Variants in ADAM19 observed in about 807,000 individuals in gnomAD.
The protein encoded by ADAM19 is disintegrin and metalloproteinase domain-containing protein 19.
A neutral mutation model predicts 114.7 loss-of-function variants in ADAM19; 65 were observed. That is an observed-to-expected ratio of 0.57 (90% CI 0.46 to 0.70). The LOEUF is 0.70. Ranked by LOEUF, ADAM19 falls within the 30% of genes least tolerant of loss-of-function variation. The probability of loss-of-function intolerance (pLI) is 0.00; values close to 1 mark genes in which losing one functional copy is unlikely to be tolerated. For synonymous variants in ADAM19, 466 were observed against 460.5 expected (o/e 1.01, Z -0.15); for missense variants, 1,063 against 1,204.7 (o/e 0.88, Z 1.74).
chr5:157,486,031 G>A (rs1207854255), intron 21 of ADAM19, among the ~76,000 whole-genome samples: 1 of 152,206 alleles, frequency 6.6e-6, no homozygotes, highest in Non-Finnish European at 1.5e-5. Flanking sequence ...CAGAACTGAA[G>A]AAGTGATGAG....
intron 2 of ADAM19, among the ~76,000 whole-genome samples, chr5:157,567,798 A>G (rs1315232998): frequency 7.9e-6 from 1 of 127,376 alleles, no homozygotes; most frequent in East Asian, 1.9e-4. Flanking sequence ...ACTCCGTCTA[A>G]ACAAAAAAAA....
intron 1 of ADAM19, among the ~76,000 whole-genome samples, chr5:157,575,173 C>T (rs568253819): frequency 6.6e-6 from 1 of 152,354 alleles, no homozygotes; most frequent in Non-Finnish European, 1.5e-5. Context: ...AAGCCGCTCC[C>T]AGGCCACACG....
rs1754634804 is a variant in ADAM19, at chr5:157,477,736, C to T, written c.*3213G>A. On this transcript the variant is annotated 3_prime_UTR_variant, in exon 23 of 23. Transcript: ENST00000257527. The stretch of plus-strand genomic sequence containing the variant: ...TCAAATTGCAAGTCTTCCATACCCT[C>T]TGTCAAATAAGAATAAATTAGGAAG... 3 of 1,289,466 alleles carry T rather than the reference C, an allele frequency of 2.3e-6. No individual in the cohort carries two copies. Among genetic ancestry groups the T allele is most frequent in the Non-Finnish European group, 3.0e-6 (3 of 988,606 alleles). The allele number at this position is 1,289,466 out of a possible 1,614,324, so 79.9% of individuals were successfully genotyped here. A position where few individuals can be genotyped will look rare whatever the true frequency, so the allele number is the denominator to read the frequency against.
chr5:157,477,783 TAAAG>T lies in ADAM19; in HGVS notation c.*3162_*3165del. 1 of 1,251,194 alleles carries T rather than the reference TAAAG, an allele frequency of 8.0e-7. No individual in the cohort carries two copies. Among genetic ancestry groups the T allele is most frequent in the Non-Finnish European group, 1.0e-6 (1 of 954,024 alleles). 77.5% of individuals were successfully genotyped at this position (1,251,194 alleles called of 1,614,324 possible). On this transcript the variant is annotated 3_prime_UTR_variant, in exon 23 of 23. Transcript: ENST00000257527. ...GAAGTAGGCAGGGAGAGACTTCCAA[TAAAG>T]ATTGGAAAGGCGTATTGCAGGAGGT...
intron 22 of ADAM19, chr5:157,481,506 A>C: frequency 9.0e-7 from 1 of 1,105,334 alleles, no homozygotes; most frequent in East Asian, 2.6e-5. Flanking sequence ...CAAATGAGGA[A>C]ACAGACTCAA....
chr5:157,486,318 T>C (rs1754928990), intron 21 of ADAM19, among the ~76,000 whole-genome samples: 1 of 152,138 alleles, frequency 6.6e-6, no homozygotes, highest in Non-Finnish European at 1.5e-5. Context: ...CAGCCCAATG[T>C]CATCACAGCA....
chr5:157,491,879 A>C lies in ADAM19; in HGVS notation c.1942T>G (p.Phe648Val), dbSNP rs1479651474. 2 of 1,614,238 alleles carry C rather than the reference A, an allele frequency of 1.2e-6. No homozygotes were observed. The highest frequency in any genetic ancestry group is 3.3e-5 in the Admixed American group (2 of 60,030). ...TTCCCACAGCCTTCAGTTTCAAAGA[A>C]GGAGGTGTTCCTGCACTGCCCCTCA... ...CFEGQCRNTS[F>V]FETEGCGKKC... Residue 648 changes from phenylalanine (F) to valine (V), a missense_variant, in exon 17 of 23, where the codon TTC becomes GTC. Phe to Val is a conservative substitution (Grantham distance 50). Coordinates refer to ENST00000257527, the MANE Select transcript of ADAM19 (RefSeq NM_033274.5).
intron 13 of ADAM19, 31 bp downstream of exon 13, chr5:157,499,542 G>A: frequency 3.2e-6 from 5 of 1,586,304 alleles, no homozygotes; most frequent in Non-Finnish European, 4.3e-6. Flanking sequence ...GTCAGGCCAG[G>A]GCCCAAGGCG....
rs1376519930 is a variant in ADAM19 at position 157,519,855 on chromosome 5, T to C, written c.584A>G (p.Lys195Arg). 2 of 1,612,648 alleles carry C rather than the reference T, an allele frequency of 1.2e-6. No homozygotes were observed. Among genetic ancestry groups the C allele is most frequent in the African/African-American group, 2.7e-5 (2 of 74,846 alleles). Reference sequence around the variant, plus strand: ...AAAACTCACCCTGCGAGGTCGCTTCTTGGTCTGTTGTGTAAACTGAAGAGC... The same window carrying C: ...AAAACTCACCCTGCGAGGTCGCTTCCTGGTCTGTTGTGTAAACTGAAGAGC... Reference protein sequence around the residue: ...DWALQFTQQTKKRPRRMKRED... With the variant: ...DWALQFTQQTRKRPRRMKRED... The change falls in exon 6 of 23, where the codon AAG (lysine) becomes AGG (arginine). Residue 195 changes from lysine (K) to arginine (R), a missense_variant. By Grantham distance (26) the Lys-to-Arg change is conservative (BLOSUM62 2). Around this residue, in one of 3 missense-constraint regions of ADAM19, gnomAD observed 615 missense variants for 706.3 expected, o/e 0.87. Transcript: ENST00000257527.
At chr5:157,539,603 C>A in intron 3 of ADAM19, among the ~76,000 whole-genome samples, 1 of 152,198 alleles carries the variant, frequency 6.6e-6, no homozygotes, top group East Asian at 1.9e-4. Context: ...AGAAAAGAAG[C>A]CCAACAGGAA....
intron 7 of ADAM19, among the ~76,000 whole-genome samples, chr5:157,518,381 T>G: frequency 6.6e-6 from 1 of 152,000 alleles, no homozygotes; most frequent in African/African-American, 2.4e-5. Flanking sequence ...AAATGAGCCT[T>G]TGGTCAGATT....
At position 157,488,247 on chromosome 5, in the gene ADAM19, T is replaced by C; in HGVS notation, c.2550+18A>G. On this transcript the variant is annotated intron_variant, in intron 21 of 22. Coordinates refer to ENST00000257527, the MANE Select transcript of ADAM19 (RefSeq NM_033274.5). ...AAAAGCAATGTTCCCAGCCCAAGGT[T>C]GCTGATTATCCACTTACCTGGGAAA... 1.2e-6 allele frequency: 2 copies of C among 1,606,672 alleles called. No homozygotes were observed. Among genetic ancestry groups the C allele is most frequent in the Non-Finnish European group, 1.7e-6 (2 of 1,173,854 alleles).
intron 2 of ADAM19, chr5:157,570,664 C>G: frequency 2.2e-6 from 1 of 459,514 alleles, no homozygotes; most frequent in East Asian, 3.7e-5. Flanking sequence ...CTTGTGTCAG[C>G]ATTAATGTGA....
rs868165666 is a variant in ADAM19 at position 157,525,714 on chromosome 5, A to C, written c.407+5093T>G. ...AAACACAGAGATCCACACAGCCAGG[A>C]AGTATGTAGCTAGATCTTAAACGTG... On this transcript the variant is annotated intron_variant, in intron 5 of 22. Transcript: ENST00000257527. 5.3e-5 allele frequency among the ~76,000 whole-genome samples: 8 copies of C among 152,318 alleles called. No individual in the cohort carries two copies. The Middle Eastern group carries it at 0.014, about 259-fold the overall frequency.
intron 4 of ADAM19, among the ~76,000 whole-genome samples, chr5:157,534,667 A>C (rs1756715166): frequency 1.3e-5 from 2 of 152,214 alleles, no homozygotes; most frequent in Non-Finnish European, 2.9e-5. Flanking sequence ...CTAAAATAAA[A>C]GAGCTAACAT....
chr5:157,481,880 T>C lies in ADAM19; in HGVS notation c.2614A>G (p.Ser872Gly). The stretch of plus-strand genomic sequence containing the variant: ...GATGCACCTCCTGGCCTGGGGAGGC[T>C]CCTGCGGCCTGGCACTGGGTTTGCC... The part of the protein sequence containing the change: ...LPANPVPGRR[S>G]LPRPGGASPL... Residue 872 changes from serine (S) to glycine (G), a missense_variant, in exon 22 of 23, where the codon AGC becomes GGC. Physicochemically the swap from Ser to Gly is moderately conservative, Grantham distance 56 (BLOSUM62 0). This residue lies in a region of ADAM19 where 424 missense variants were observed against 445.5 expected (regional missense o/e 0.95). Coordinates refer to ENST00000257527, the MANE Select transcript of ADAM19 (RefSeq NM_033274.5). The C allele has an allele frequency of 6.2e-7, 1 of 1,600,066 alleles. No homozygotes were observed. The highest frequency in any genetic ancestry group is 8.5e-7 in the Non-Finnish European group (1 of 1,173,230).
At chr5:157,490,912 G>C in intron 18 of ADAM19, among the ~76,000 whole-genome samples, 1 of 138,344 alleles carries the variant, frequency 7.2e-6, no homozygotes, top group Admixed American at 7.1e-5. Context: ...AAAAAACAAA[G>C]AAACGAAAAG....
At chr5:157,487,136 T>C (rs1202654536) in intron 21 of ADAM19, among the ~76,000 whole-genome samples, 1 of 152,030 alleles carries the variant, frequency 6.6e-6, no homozygotes, top group Non-Finnish European at 1.5e-5. Context: ...AGTACTCTGC[T>C]ATAGCACCCT....
intron 1 of ADAM19, among the ~76,000 whole-genome samples, chr5:157,573,982 A>G (rs1757900354): frequency 6.6e-6 from 1 of 152,214 alleles, no homozygotes; most frequent in Non-Finnish European, 1.5e-5. Flanking sequence ...CATTTGTATG[A>G]GTCGTGTTTT....
Sources: gnomAD v4.1 joint callset for allele counts (sites outside exome capture counted in the v4.1 genomes callset) on GRCh38, gnomAD v4.1.1 for gene constraint, gnomAD v4.1.1 regional missense constraint, MANE v1.5 for transcripts, NCBI Gene and HGNC (gene_info 2026-07-23, HGNC 2026-07-21) for gene names.